The following IL18R1 variants were observed in gnomAD, a reference collection of about 807,000 sequenced individuals.
The protein encoded by IL18R1 is interleukin-18 receptor 1.
Under a neutral mutation model 48.5 loss-of-function variants are expected in IL18R1, and 40 were observed. The ratio of observed to expected loss-of-function variants is 0.82; its 90% CI spans 0.64 to 1.07. IL18R1 has a LOEUF of 1.07. Among genes scored for constraint, IL18R1 ranks in the 50% least tolerant of loss-of-function variants. IL18R1 has a pLI of 0.00. For missense variants in IL18R1, 596 were observed against 633.7 expected (o/e 0.94, Z 0.64); for synonymous variants, 232 against 225.9 (o/e 1.03, Z -0.24).
chr2:102,358,882 A>T (rs1054606775), intron 1 of IL18R1, among the ~76,000 whole-genome samples: 1 of 152,246 alleles, frequency 6.6e-6, no homozygotes. Context: ...TGTATATTTT[A>T]TGGATGTAAT....
intron 8 of IL18R1, among the ~76,000 whole-genome samples, chr2:102,387,951 CAG>C (rs1680335486): frequency 6.6e-6 from 1 of 151,616 alleles, no homozygotes; most frequent in Non-Finnish European, 1.5e-5. Context: ...GACAGAGGAA[CAG>C]AGAAAGAGGG....
Position 102,386,371 on chromosome 2 carries a change from G to A in IL18R1, c.810-490G>A, listed in dbSNP as rs574694165. ...ACAACTTAACTGGCACTTCTCATGT[G>A]CCTCGGGGTGCTTGAGAACAGTGTT... On this transcript the variant is annotated intron_variant, in intron 7 of 10. Coordinates refer to ENST00000233957, the MANE Select transcript of IL18R1 (RefSeq NM_003855.5). Among the ~76,000 whole-genome samples the A allele has an allele frequency of 7.2e-5, 11 of 152,350 alleles. No homozygotes were observed. The South Asian group carries it at 1.9e-3, about 26-fold the overall frequency.
chr2:102,381,610 T>A lies in IL18R1; in HGVS notation c.626-10T>A. The stretch of plus-strand genomic sequence containing the variant: ...ACTAATACATTTGTCTTTTCTTTTG[T>A]CACTTCTAGATCGCAGTAATATAGT... On this transcript the variant is annotated splice_polypyrimidine_tract_variant and intron_variant, in intron 5 of 10. Transcript: ENST00000233957. 6.2e-7 allele frequency: 1 copy of A among 1,608,952 alleles called. No individual in the cohort carries two copies. The highest frequency in any genetic ancestry group is 8.5e-7 in the Non-Finnish European group (1 of 1,175,370).
At chr2:102,379,084 T>C (rs1679764077) in intron 5 of IL18R1, among the ~76,000 whole-genome samples, 1 of 152,160 alleles carries the variant, frequency 6.6e-6, no homozygotes, top group Admixed American at 6.5e-5. Context: ...ATGGCAATGT[T>C]CCCATAACAA....
chr2:102,390,131 T>G lies in IL18R1; in HGVS notation c.1025T>G (p.Val342Gly). The G allele has an allele frequency of 6.2e-7, 1 of 1,614,086 alleles. No homozygotes were observed. The highest frequency in any genetic ancestry group is 1.1e-5 in the South Asian group (1 of 91,080). Residue 342 changes from valine (V) to glycine (G), a missense_variant, in exon 9 of 11, where the codon GTG becomes GGG. By Grantham distance (109) the Val-to-Gly change is moderately radical (BLOSUM62 -3). Coordinates refer to ENST00000233957, the MANE Select transcript of IL18R1 (RefSeq NM_003855.5). ...IIAVLILVAV[V>G]CLVTVCVIYR... ...GCTGTTTTGATCTTGGTGGCAGTAG[T>G]GTGCCTAGTGACTGTGTGTGTCATT...
intron 10 of IL18R1, among the ~76,000 whole-genome samples, chr2:102,396,253 T>G (rs1358322766): frequency 6.6e-6 from 1 of 152,180 alleles, no homozygotes; most frequent in Non-Finnish European, 1.5e-5. Context: ...TAACAGTATC[T>G]TCTCTGTAGC....
intron 5 of IL18R1, 98 bp from the exon 6 acceptor site, chr2:102,381,522 A>G: frequency 1.2e-6 from 1 of 867,766 alleles, no homozygotes; most frequent in South Asian, 1.4e-5. Flanking sequence ...AACTATTGGA[A>G]TCTTTGTTAC....
chr2:102,389,914 GTCAC>G (rs1475093077), intron 8 of IL18R1, 138 bp from the exon 9 acceptor site: 11 of 646,430 alleles, frequency 1.7e-5, no homozygotes, highest in East Asian at 1.4e-4. Flanking sequence ...GGAATGTGGA[GTCAC>G]TCAGTGGAAT....
At chr2:102,366,814 A>T (rs533919761) in intron 2 of IL18R1, among the ~76,000 whole-genome samples, 1 of 152,298 alleles carries the variant, frequency 6.6e-6, no homozygotes, top group African/African-American at 2.4e-5. Flanking sequence ...CCATGATTAA[A>T]TTCAAGATGA....
At chr2:102,373,542 C>A (rs1679392393) in intron 4 of IL18R1, among the ~76,000 whole-genome samples, 1 of 151,988 alleles carries the variant, frequency 6.6e-6, no homozygotes, top group South Asian at 2.1e-4. Flanking sequence ...AGCAAACCAC[C>A]ATGGCACGTG....
chr2:102,363,768 A>C (rs866725963), intron 2 of IL18R1, among the ~76,000 whole-genome samples: 2 of 152,242 alleles, frequency 1.3e-5, no homozygotes, highest in Admixed American at 1.3e-4. Context: ...ACAATGTTCT[A>C]CATGTAGGAT....
Position 102,386,873 on chromosome 2 carries a change from C to A in IL18R1, c.822C>A (p.Gly274=). The A allele has an allele frequency of 1.2e-6, 2 of 1,614,078 alleles. No individual in the cohort carries two copies. Among genetic ancestry groups the A allele is most frequent in the Non-Finnish European group, 1.7e-6 (2 of 1,179,976 alleles). Residue 274 remains glycine, a synonymous_variant, in exon 8 of 11, where the codon GGC becomes GGA. Coordinates refer to ENST00000233957, the MANE Select transcript of IL18R1 (RefSeq NM_003855.5). ...EKEMRIMTPE[G]KWHASKVLRI... ...TGCCCTCTTACAGGACTCCAGAAGG[C>A]AAATGGCATGCTTCAAAAGTATTGA...
chr2:102,389,645 G>A (rs1343852207), intron 8 of IL18R1, among the ~76,000 whole-genome samples: 1 of 152,124 alleles, frequency 6.6e-6, no homozygotes, highest in Non-Finnish European at 1.5e-5. Context: ...ATGGAGCCCA[G>A]CTGCAAACCC....
At chr2:102,364,469 C>T (rs1239824555) in intron 2 of IL18R1, among the ~76,000 whole-genome samples, 1 of 152,152 alleles carries the variant, frequency 6.6e-6, no homozygotes, top group Non-Finnish European at 1.5e-5. Context: ...AACTCTAAAA[C>T]AGGAAAATAA....
At position 102,356,189 on chromosome 2, in the gene IL18R1, CT is replaced by C. The variant is rs760084394; in HGVS notation, c.-233del. 4 of 245,880 alleles carry C rather than the reference CT, an allele frequency of 1.6e-5. No individual in the cohort carries two copies. Among genetic ancestry groups the C allele is most frequent in the East Asian group, 1.8e-4 (1 of 5,616 alleles). The allele number at this position is 245,880 out of a possible 1,614,324, so 15.2% of individuals were successfully genotyped here. Reference sequence around the variant, plus strand: ...CCTGACATTCTTCTTTCTGTTCCTACTTTTTTTCCTTCTTCTTCTTTTTTTT... The same window carrying C: ...CCTGACATTCTTCTTTCTGTTCCTACTTTTTTCCTTCTTCTTCTTTTTTTT... On this transcript the variant is annotated 5_prime_UTR_variant, in exon 1 of 11. Transcript: ENST00000233957.
intron 1 of IL18R1, among the ~76,000 whole-genome samples, chr2:102,357,696 A>G (rs1678332394): frequency 6.6e-6 from 1 of 152,008 alleles, no homozygotes; most frequent in Non-Finnish European, 1.5e-5. Context: ...GACTCTAGGG[A>G]CCTGGCATCT....
intron 1 of IL18R1, among the ~76,000 whole-genome samples, chr2:102,358,484 T>TA (rs1360938261): frequency 6.6e-6 from 1 of 152,246 alleles, no homozygotes; most frequent in African/African-American, 2.4e-5. Flanking sequence ...GACTATTCGT[T>TA]ATGTGTGTGT....
At chr2:102,394,285 A>G (rs1260834015) in intron 9 of IL18R1, among the ~76,000 whole-genome samples, 184 bp from the exon 10 acceptor site, 1 of 152,138 alleles carries the variant, frequency 6.6e-6, no homozygotes, top group Non-Finnish European at 1.5e-5. Context: ...CTTAAAGTAG[A>G]TGCTTAAAAA....
At chr2:102,370,872 T>G (rs1261035980) in intron 3 of IL18R1, among the ~76,000 whole-genome samples, 1 of 152,222 alleles carries the variant, frequency 6.6e-6, no homozygotes, top group Non-Finnish European at 1.5e-5. Flanking sequence ...GAGCCTAAGG[T>G]GGGCACAAAT....
Sources: allele counts gnomAD v4.1 joint callset (sites outside exome capture counted in the v4.1 genomes callset), GRCh38; gene constraint gnomAD v4.1.1; transcripts MANE v1.5; gene names NCBI Gene and HGNC (gene_info 2026-07-23, HGNC 2026-07-21).